Variants in TTBK2 observed in about 807,000 individuals in gnomAD.
TTBK2 encodes the protein tau-tubulin kinase 2.
TTBK2 carries 28 observed loss-of-function variants against 110.8 expected under a neutral mutation model. The ratio of observed to expected loss-of-function variants is 0.25; its 90% CI spans 0.19 to 0.35. The LOEUF (loss-of-function observed/expected upper bound fraction) is 0.35. Among genes scored for constraint, TTBK2 ranks in the 10% least tolerant of loss-of-function variants. The pLI, the probability that TTBK2 is intolerant of heterozygous loss-of-function variation, is 1.00. For synonymous variants in TTBK2, 532 were observed against 527.3 expected (o/e 1.01, Z -0.12); for missense variants, 1,369 against 1,500.3 (o/e 0.91, Z 1.45).
intron 13 of TTBK2, among the ~76,000 whole-genome samples, chr15:42,771,203 G>A (rs1428230924): frequency 2.0e-5 from 3 of 151,948 alleles, no homozygotes; most frequent in African/African-American, 4.8e-5. Context: ...TTGAACTCCT[G>A]ACCTCGTGAT....
intron 10 of TTBK2, among the ~76,000 whole-genome samples, chr15:42,791,039 A>G (rs1401822010): frequency 1.3e-5 from 2 of 152,116 alleles, no homozygotes; most frequent in African/African-American, 2.4e-5. Context: ...ACCTGCCACC[A>G]TGCCTGGCTA....
intron 1 of TTBK2, among the ~76,000 whole-genome samples, chr15:42,891,586 T>C (rs994066200): frequency 6.6e-6 from 1 of 151,860 alleles, no homozygotes; most frequent in African/African-American, 2.4e-5. Flanking sequence ...TTGGTGAACA[T>C]ACTGATGTAC....
At chr15:42,816,556 T>C (rs943629653) in intron 7 of TTBK2, among the ~76,000 whole-genome samples, 3 of 152,134 alleles carry the variant, frequency 2.0e-5, no homozygotes, top group Non-Finnish European at 2.9e-5. Flanking sequence ...TCCATTATCA[T>C]TAGTGCCACA....
Position 42,817,408 on chromosome 15 carries a change from C to A in TTBK2, c.538-311G>T, listed in dbSNP as rs992667501. ...AGAAAACATTAAATGCTTTCATATA[C>A]CCATAATCGTGGTAAGTATCATAGT... On this transcript the variant is annotated intron_variant, in intron 6 of 14. Coordinates refer to ENST00000267890, the MANE Select transcript of TTBK2 (RefSeq NM_173500.4). Among the ~76,000 whole-genome samples the A allele has an allele frequency of 2.6e-5, 4 of 152,022 alleles. No individual in the cohort carries two copies. The East Asian group carries it at 7.7e-4, about 29-fold the overall frequency.
intron 3 of TTBK2, among the ~76,000 whole-genome samples, chr15:42,843,983 C>A (rs1893349483): frequency 6.6e-6 from 1 of 152,028 alleles, no homozygotes; most frequent in Non-Finnish European, 1.5e-5. Context: ...CATTCCCTAG[C>A]CCCCTGCCCA....
rs371342763 is a variant in TTBK2, at chr15:42,798,099, G to A, written c.823-3298C>T. On this transcript the variant is annotated intron_variant, in intron 9 of 14. Transcript: ENST00000267890. ...GGGTTTCACCATGTTGGCCAGGATGGTCTGAAACTCCTGACCTCAGGTGAT... is the reference window on the plus strand; with the variant it reads ...GGGTTTCACCATGTTGGCCAGGATGATCTGAAACTCCTGACCTCAGGTGAT... Among the ~76,000 whole-genome samples, 8 of 152,080 alleles carry A rather than the reference G, an allele frequency of 5.3e-5. No individual in the cohort carries two copies. In the East Asian group the frequency reaches 5.8e-4, roughly 11 times the overall value.
intron 3 of TTBK2, among the ~76,000 whole-genome samples, chr15:42,846,222 C>T (rs1893460052): frequency 6.7e-6 from 1 of 149,154 alleles, no homozygotes; most frequent in South Asian, 2.1e-4. Flanking sequence ...AGACAGTCTG[C>T]TCTGTCACCC....
At chr15:42,836,505 T>C (rs1164180600) in intron 4 of TTBK2, among the ~76,000 whole-genome samples, 1 of 152,176 alleles carries the variant, frequency 6.6e-6, no homozygotes, top group African/African-American at 2.4e-5. Flanking sequence ...TTAAATGGGT[T>C]AACTTTCTTG....
intron 13 of TTBK2, among the ~76,000 whole-genome samples, chr15:42,766,741 A>G (rs1324419103): frequency 6.6e-6 from 1 of 152,174 alleles, no homozygotes; most frequent in Non-Finnish European, 1.5e-5. Context: ...GAAGGTTAAC[A>G]AGGATATCCA....
chr15:42,834,196 A>AGGGGGGGG (rs144301772), intron 4 of TTBK2, among the ~76,000 whole-genome samples: 1 of 124,280 alleles, frequency 8.0e-6, no homozygotes, highest in African/African-American at 3.4e-5. Flanking sequence ...AAAAAAAAAA[A>AGGGGGGGG]GGGGGGGGGT....
intron 1 of TTBK2, among the ~76,000 whole-genome samples, chr15:42,917,306 A>G (rs572656227): frequency 2.2e-4 from 34 of 152,334 alleles, no homozygotes; most frequent in African/African-American, 8.2e-4. Context: ...CTTAAGCATC[A>G]AGAATAAAGT....
At chr15:42,753,700 C>T (rs868455473) in intron 13 of TTBK2, among the ~76,000 whole-genome samples, 4 of 152,250 alleles carry the variant, frequency 2.6e-5, no homozygotes, top group South Asian at 2.1e-4. Flanking sequence ...GCCACAGCTC[C>T]CTTCTTATGG....
At chr15:42,857,514 T>C (rs1448736645) in intron 3 of TTBK2, 1 of 151,328 alleles carries the variant, frequency 6.6e-6, no homozygotes, top group Non-Finnish European at 1.5e-5. Flanking sequence ...AATGAGAACC[T>C]GTCTAAAATA....
chr15:42,761,603 G>C (rs988529975), intron 13 of TTBK2, among the ~76,000 whole-genome samples: 2 of 138,350 alleles, frequency 1.4e-5, no homozygotes, highest in Non-Finnish European at 3.2e-5. Context: ...AAAAAGGAAA[G>C]AAAAACATCT....
At chr15:42,919,941 G>T in intron 1 of TTBK2, 1 of 400,304 alleles carries the variant, frequency 2.5e-6, no homozygotes, top group Non-Finnish European at 3.4e-6. Flanking sequence ...AAATCCCTCA[G>T]ATCATTACTT....
chr15:42,836,602 C>T (rs1333022362), intron 4 of TTBK2, among the ~76,000 whole-genome samples: 1 of 152,146 alleles, frequency 6.6e-6, no homozygotes, highest in East Asian at 1.9e-4. Context: ...CAAAGGTCAT[C>T]ATTGCCTAAT....
chr15:42,842,058 CA>C (rs1893242874), intron 3 of TTBK2, among the ~76,000 whole-genome samples: 1 of 151,980 alleles, frequency 6.6e-6, no homozygotes, highest in South Asian at 2.1e-4. Context: ...GAAAATGAAA[CA>C]TTAATTATTA....
chr15:42,758,859 CGAGCCTG>C (rs758086886), intron 13 of TTBK2, among the ~76,000 whole-genome samples: 13 of 152,088 alleles, frequency 8.5e-5, no homozygotes, highest in Non-Finnish European at 1.9e-4. Context: ...ACAGTCCTAG[CGAGCCTG>C]GAGCCTGGAG....
intron 3 of TTBK2, among the ~76,000 whole-genome samples, chr15:42,859,398 C>T (rs1054759995): frequency 1.3e-5 from 2 of 152,118 alleles, no homozygotes; most frequent in Non-Finnish European, 2.9e-5. Flanking sequence ...ATGAGCAGTG[C>T]ACCATACCTG....
Sources: gnomAD v4.1 joint callset for allele counts (sites outside exome capture counted in the v4.1 genomes callset) on GRCh38, gnomAD v4.1.1 for gene constraint, MANE v1.5 for transcripts, NCBI Gene and HGNC (gene_info 2026-07-23, HGNC 2026-07-21) for gene names.